EMC2: variants seen among roughly 807,000 people sequenced by gnomAD.
The protein encoded by EMC2 is ER membrane protein complex subunit 2.
Under a neutral mutation model 51.6 loss-of-function variants are expected in EMC2, and 37 were observed. The observed-to-expected ratio is 0.72, with a 90% CI of 0.55 to 0.94. The LOEUF (loss-of-function observed/expected upper bound fraction) is 0.94. Ranked by LOEUF, EMC2 falls within the 40% of genes least tolerant of loss-of-function variation. EMC2 has a pLI of 0.00. For missense variants in EMC2, 359 were observed against 350.9 expected (o/e 1.02, Z -0.18); for synonymous variants, 131 against 112.4 (o/e 1.17, Z -1.04).
At position 108,488,402 on chromosome 8, in the gene EMC2, T is replaced by C. The variant is rs1811182143; in HGVS notation, c.*1804T>C. Among the ~76,000 whole-genome samples the C allele has an allele frequency of 6.6e-6, 1 of 152,048 alleles. No individual in the cohort carries two copies. The highest frequency in any genetic ancestry group is 2.1e-4 in the South Asian group (1 of 4,822). On this transcript the variant is annotated 3_prime_UTR_variant, in exon 11 of 11. Transcript: ENST00000220853. ...CTGAAACTCCTGGCCTCAAGTGATCTACCCGCCTCAGCCTCCCGAAATGCT... is the reference window on the plus strand; with the variant it reads ...CTGAAACTCCTGGCCTCAAGTGATCCACCCGCCTCAGCCTCCCGAAATGCT...
At chr8:108,480,022 G>A (rs759170651) in intron 10 of EMC2, among the ~76,000 whole-genome samples, 3 of 152,084 alleles carry the variant, frequency 2.0e-5, no homozygotes, top group Non-Finnish European at 4.4e-5. Flanking sequence ...TTAAAATCCA[G>A]TAGTCTTACT....
Position 108,487,129 on chromosome 8 carries a change from T to C in EMC2, c.*531T>C, listed in dbSNP as rs1811157089. 6.6e-6 allele frequency among the ~76,000 whole-genome samples: 1 copy of C among 152,080 alleles called. No individual in the cohort carries two copies. ...ATTGTTTTATCTGCTGTAATATCCT[T>C]CTGATGAATCTTGCTTAAAATATGT... On this transcript the variant is annotated 3_prime_UTR_variant, in exon 11 of 11. Transcript: ENST00000220853.
Position 108,486,528 on chromosome 8 carries a change from A to G in EMC2, c.824A>G (p.Lys275Arg). ...TTTAATTAGTTTGCAGGTCGAAGTA[A>G]GAAGGAAACCAAATATTCTCTTAAG... The part of the protein sequence containing the change: ...NRAYQFAGRS[K>R]KETKYSLKAV... The change falls in exon 11 of 11, where the codon AAG becomes AGG. Residue 275 changes from lysine (K) to arginine (R), a missense_variant. By Grantham distance (26) the Lys-to-Arg change is conservative. Transcript: ENST00000220853. The G allele has an allele frequency of 1.3e-6, 2 of 1,583,100 alleles. No individual in the cohort carries two copies. Among genetic ancestry groups the G allele is most frequent in the Non-Finnish European group, 1.7e-6 (2 of 1,167,930 alleles).
chr8:108,468,953 T>C (rs142081508), intron 5 of EMC2, among the ~76,000 whole-genome samples: 6 of 152,312 alleles, frequency 3.9e-5, no homozygotes, highest in Admixed American at 6.5e-5. Flanking sequence ...TTTTAATGTC[T>C]ACTTACTCTT....
Position 108,486,695 on chromosome 8 carries a change from T to A in EMC2, c.*97T>A. The A allele has an allele frequency of 8.3e-7, 1 of 1,208,546 alleles. No homozygotes were observed. Among genetic ancestry groups the A allele is most frequent in the Non-Finnish European group, 1.1e-6 (1 of 896,722 alleles). The allele number at this position is 1,208,546 out of a possible 1,614,324, so 74.9% of individuals were successfully genotyped here. A position where few individuals can be genotyped will look rare whatever the true frequency, so the allele number is the denominator to read the frequency against. On this transcript the variant is annotated 3_prime_UTR_variant, in exon 11 of 11. Transcript: ENST00000220853. Reference sequence around the variant, plus strand: ...TAAATGCTCAGTGCTATTTATATACTACAGTAATTTTCTGTTAAGAAGGCA... The same window carrying A: ...TAAATGCTCAGTGCTATTTATATACAACAGTAATTTTCTGTTAAGAAGGCA...
intron 10 of EMC2, among the ~76,000 whole-genome samples, chr8:108,485,275 G>A (rs953494822): frequency 4.0e-5 from 6 of 151,464 alleles, no homozygotes; most frequent in Admixed American, 3.3e-4. Flanking sequence ...AAGTGCTTAA[G>A]ACAGCATTGT....
In EMC2 at chr8:108,447,132, G is replaced by A. The variant is rs2156741; in HGVS notation, c.41-2691G>A. On this transcript the variant is annotated intron_variant, in intron 1 of 10. Transcript: ENST00000220853. Reference sequence around the variant, plus strand: ...GAATCTTTGAGTGTATGTATAAACTGAAACCAAAGTTGCATTTACAAAGGA... The same window carrying A: ...GAATCTTTGAGTGTATGTATAAACTAAAACCAAAGTTGCATTTACAAAGGA... 2.6e-5 allele frequency among the ~76,000 whole-genome samples: 4 copies of A among 152,164 alleles called. No individual in the cohort carries two copies. In the South Asian group the frequency reaches 8.3e-4, roughly 32 times the overall value.
rs1490647723 is a variant in EMC2 at position 108,455,854 on chromosome 8, T to C, written c.306-19T>C. 1.1e-6 allele frequency: 1 copy of C among 941,536 alleles called. No homozygotes were observed. Among genetic ancestry groups the C allele is most frequent in the East Asian group, 2.9e-5 (1 of 34,778 alleles). The allele number at this position is 941,536 out of a possible 1,614,324, so 58.3% of individuals were successfully genotyped here. A position where few individuals can be genotyped will look rare whatever the true frequency, so the allele number is the denominator to read the frequency against. On this transcript the variant is annotated intron_variant, in intron 4 of 10. Coordinates refer to ENST00000220853, the MANE Select transcript of EMC2 (RefSeq NM_014673.5). ...TTTTAAGGTAATAATTGTAGATGTTTCTTTTTCTTTTTAAATAGATATGAT... is the reference window on the plus strand; with the variant it reads ...TTTTAAGGTAATAATTGTAGATGTTCCTTTTTCTTTTTAAATAGATATGAT...
At chr8:108,486,242 TG>T (rs2130425294) in intron 10 of EMC2, among the ~76,000 whole-genome samples, 1 of 152,026 alleles carries the variant, frequency 6.6e-6, no homozygotes, top group African/African-American at 2.4e-5. Context: ...TTCAAATACA[TG>T]ATTTTATGGG....
At chr8:108,451,832 G>T (rs2130340230) in intron 3 of EMC2, among the ~76,000 whole-genome samples, 2 of 152,304 alleles carry the variant, frequency 1.3e-5, no homozygotes, top group Middle Eastern at 6.8e-3. Flanking sequence ...TATTTATACA[G>T]TTAGCTTGCT....
chr8:108,454,296 T>C (rs1257746916), intron 4 of EMC2, among the ~76,000 whole-genome samples: 1 of 152,124 alleles, frequency 6.6e-6, no homozygotes, highest in African/African-American at 2.4e-5. Context: ...TTTTGTCATT[T>C]GTTTTCTGCC....
At chr8:108,475,843 G>T (rs956757674) in intron 7 of EMC2, 39 bp from the exon 8 acceptor site, 5 of 1,212,304 alleles carry the variant, frequency 4.1e-6, no homozygotes, top group South Asian at 1.3e-5. Context: ...AAAAATTTGT[G>T]ACTTTAAAAA....
intron 1 of EMC2, among the ~76,000 whole-genome samples, chr8:108,445,164 G>A (rs1818848895): frequency 6.6e-6 from 1 of 152,186 alleles, no homozygotes; most frequent in South Asian, 2.1e-4. Flanking sequence ...GAGGATTGAT[G>A]TAATTAATTT....
chr8:108,473,081 A>G (rs1294167049), intron 7 of EMC2, among the ~76,000 whole-genome samples: 2 of 152,042 alleles, frequency 1.3e-5, no homozygotes, highest in African/African-American at 4.8e-5. Context: ...ATGTTTCTAT[A>G]GAGAGAAAAA....
At position 108,443,635 on chromosome 8, in the gene EMC2, C is replaced by A. The variant is rs767397271; in HGVS notation, c.-24C>A. The A allele has an allele frequency of 1.9e-6, 3 of 1,603,282 alleles. No individual in the cohort carries two copies. Among genetic ancestry groups the A allele is most frequent in the South Asian group, 1.1e-5 (1 of 89,152 alleles). On this transcript the variant is annotated 5_prime_UTR_variant, in exon 1 of 11. Coordinates refer to ENST00000220853, the MANE Select transcript of EMC2 (RefSeq NM_014673.5). The stretch of plus-strand genomic sequence containing the variant: ...GACTGCGTCTCCCCGCCCTCTCACC[C>A]CGCTGCCTCTAGGTTCTGGGAAGAT...
chr8:108,455,240 T>A (rs574986071), intron 4 of EMC2, among the ~76,000 whole-genome samples: 6 of 152,086 alleles, frequency 3.9e-5, no homozygotes, highest in Non-Finnish European at 7.4e-5. Context: ...GATATTGTGT[T>A]CTATTATTTT....
rs896359484 is a variant in EMC2, at chr8:108,475,808, A to G, written c.510-74A>G. 21 of 791,098 alleles carry G rather than the reference A, an allele frequency of 2.7e-5. No individual in the cohort carries two copies. The African/African-American group carries it at 3.8e-4, about 14-fold the overall frequency. The allele number at this position is 791,098 out of a possible 1,614,324, so 49.0% of individuals were successfully genotyped here. On this transcript the variant is annotated intron_variant, in intron 7 of 10. Transcript: ENST00000220853. ...TTTAACATGACTAAAGTTGTTTTTA[A>G]ATTATTTCAAGGTTTAACTAAGATA...
chr8:108,461,996 A>G (rs1296519905), intron 5 of EMC2, among the ~76,000 whole-genome samples: 1 of 152,000 alleles, frequency 6.6e-6, no homozygotes, highest in African/African-American at 2.4e-5. Flanking sequence ...TTTAGTAGAG[A>G]TGGGGTTTCA....
Position 108,443,683 on chromosome 8 carries a change from G to T in EMC2, c.25G>T (p.Asp9Tyr). The stretch of plus-strand genomic sequence containing the variant: ...GATGGCGAAGGTCTCAGAGCTTTAC[G>T]ATGTCACTTGGGAAGGTAACTTCGG... MAKVSELY[D>Y]VTWEEMRDKM... The change falls in exon 1 of 11, where the codon GAT becomes TAT. Residue 9 changes from aspartate (D) to tyrosine (Y), a missense_variant. By Grantham distance (160) the Asp-to-Tyr change is radical. Coordinates refer to ENST00000220853, the MANE Select transcript of EMC2 (RefSeq NM_014673.5). 1 of 1,610,144 alleles carries T rather than the reference G, an allele frequency of 6.2e-7. No individual in the cohort carries two copies. The highest frequency in any genetic ancestry group is 2.2e-5 in the East Asian group (1 of 44,730).
Sources: allele counts gnomAD v4.1 joint callset (sites outside exome capture counted in the v4.1 genomes callset), GRCh38; gene constraint gnomAD v4.1.1; transcripts MANE v1.5; gene names NCBI Gene and HGNC (gene_info 2026-07-23, HGNC 2026-07-21).